ARHGAP11A: variants seen among roughly 807,000 people sequenced by gnomAD.
ARHGAP11A encodes rho GTPase-activating protein 11A.
Under a neutral mutation model 60.5 loss-of-function variants are expected in ARHGAP11A, and 36 were observed. That is an observed-to-expected ratio of 0.59 (90% CI 0.46 to 0.79). The LOEUF is 0.79. Ranked by LOEUF, ARHGAP11A falls within the 30% of genes least tolerant of loss-of-function variation. The pLI is 0.00. For missense variants in ARHGAP11A, 1,071 were observed against 1,199.2 expected (o/e 0.89, Z 1.58); for synonymous variants, 362 against 415.5 (o/e 0.87, Z 1.57).
At chr15:32,632,766 C>G (rs2053613850) in intron 8 of ARHGAP11A, 2 of 409,824 alleles carry the variant, frequency 4.9e-6, no homozygotes, top group Admixed American at 7.7e-5. Context: ...CTTAAGCTGA[C>G]CTTTAATTGG....
chr15:32,631,399 G>A (rs546838282), intron 8 of ARHGAP11A, among the ~76,000 whole-genome samples: 4 of 151,756 alleles, frequency 2.6e-5, no homozygotes, highest in Non-Finnish European at 4.4e-5. Flanking sequence ...AGGTTCAAGC[G>A]ATTTTCCTGC....
At chr15:32,631,412 C>T (rs2053580474) in intron 8 of ARHGAP11A, among the ~76,000 whole-genome samples, 1 of 151,932 alleles carries the variant, frequency 6.6e-6, no homozygotes, top group Non-Finnish European at 1.5e-5. Flanking sequence ...TTTCCTGCCT[C>T]AGCCTCCCAG....
In ARHGAP11A at chr15:32,620,027, G is replaced by A. The variant is rs1567048702; in HGVS notation, c.130-81G>A. The A allele has an allele frequency of 3.2e-6, 5 of 1,544,238 alleles. No individual in the cohort carries two copies. In the East Asian group the frequency reaches 6.9e-5, roughly 21 times the overall value. ...TTCTGATTTTTTTTTAATTTCCTGA[G>A]TTCTTTAATTTGCCTAAAGTTTAAG... On this transcript the variant is annotated intron_variant, in intron 1 of 11. Transcript: ENST00000361627.
At chr15:32,625,271 A>C in intron 5 of ARHGAP11A, 28 bp downstream of exon 5, 1 of 1,571,060 alleles carries the variant, frequency 6.4e-7, no homozygotes, top group African/African-American at 1.4e-5. Flanking sequence ...TATTAACAGA[A>C]TTTGTTTAAA....
At chr15:32,634,275 CA>C (rs139850738) in intron 10 of ARHGAP11A, among the ~76,000 whole-genome samples, 2,744 of 152,278 alleles carry the variant, frequency 0.018, 96 homozygotes, top group African/African-American at 0.063. Context: ...CAGTTTTAAA[CA>C]TTATATACAG....
At chr15:32,618,757 A>ACC (rs2053222968) in intron 1 of ARHGAP11A, among the ~76,000 whole-genome samples, 1 of 42,130 alleles carries the variant, frequency 2.4e-5, no homozygotes, top group African/African-American at 1.1e-4. Context: ...AACACGGTGA[A>ACC]ACCCCCCCCC....
In ARHGAP11A at chr15:32,635,771, G is replaced by C; in HGVS notation, c.1345-6G>C. The C allele has an allele frequency of 6.5e-7, 1 of 1,545,492 alleles. No homozygotes were observed. Among genetic ancestry groups the C allele is most frequent in the East Asian group, 2.4e-5 (1 of 41,794 alleles). On this transcript the variant is annotated splice_region_variant and splice_polypyrimidine_tract_variant and intron_variant, in intron 10 of 11. Coordinates refer to ENST00000361627, the MANE Select transcript of ARHGAP11A (RefSeq NM_014783.6). ...TCTTAACTAAAACTTTTTTTTTTCTGTACAGAATGGATGTTCTGGTGTCAA... is the reference window on the plus strand; with the variant it reads ...TCTTAACTAAAACTTTTTTTTTTCTCTACAGAATGGATGTTCTGGTGTCAA...
intron 1 of ARHGAP11A, among the ~76,000 whole-genome samples, chr15:32,619,748 C>CCT (rs59607535): frequency 0.43 from 64,514 of 151,664 alleles, 13,922 homozygotes; most frequent in Admixed American, 0.53. Context: ...ATTAAAGCAA[C>CCT]CTATAGTATT....
At chr15:32,620,035 A>G (rs2053256548) in intron 1 of ARHGAP11A, 73 bp from the exon 2 acceptor site, 1 of 1,545,180 alleles carries the variant, frequency 6.5e-7, no homozygotes, top group Admixed American at 2.1e-5. Context: ...GAGTTCTTTA[A>G]TTTGCCTAAA....
intron 7 of ARHGAP11A, 44 bp from the exon 8 acceptor site, chr15:32,629,551 C>T: frequency 6.5e-7 from 1 of 1,534,378 alleles, no homozygotes; most frequent in Non-Finnish European, 8.8e-7. Flanking sequence ...ATGTTGTCAA[C>T]TCTGCAGTAG....
chr15:32,637,584 A>G lies in ARHGAP11A; in HGVS notation c.2811A>G (p.Ser937=), dbSNP rs756679237. 2.5e-6 allele frequency: 4 copies of G among 1,614,214 alleles called. No homozygotes were observed. The South Asian group carries it at 4.4e-5, about 18-fold the overall frequency. The stretch of plus-strand genomic sequence containing the variant: ...TAAAGATGAGGAAGCACCCAGATTC[A>G]GTGAATGCTTCTCTTAGGTCTACTA... The part of the protein sequence containing the change: ...SFLKMRKHPD[S]VNASLRSTTV... Residue 937 remains serine, a synonymous_variant, in exon 12 of 12, where the codon TCA becomes TCG. Coordinates refer to ENST00000361627, the MANE Select transcript of ARHGAP11A (RefSeq NM_014783.6).
chr15:32,629,560 A>G, intron 7 of ARHGAP11A, 35 bp from the exon 8 acceptor site: 1 of 1,569,776 alleles, frequency 6.4e-7, no homozygotes, highest in Non-Finnish European at 8.6e-7. Flanking sequence ...ACTCTGCAGT[A>G]GAAACAAGTT....
rs139588206 is a variant in ARHGAP11A at position 32,625,524 on chromosome 15, C to G, written c.753C>G (p.Ala251=). The change falls in exon 6 of 12, where the codon GCC becomes GCG. Residue 251 remains alanine (A), a synonymous_variant. Coordinates refer to ENST00000361627, the MANE Select transcript of ARHGAP11A (RefSeq NM_014783.6). ...ATTTTATCCTGGAAAAGATACCAGC[C>G]ATGTTGGGTATTGATGGTCTCTGTG... ...VPDFILEKIP[A]MLGIDGLCAT... is the part of the protein sequence containing the mutation. 352 of 1,613,648 alleles carry G rather than the reference C, an allele frequency of 2.2e-4. 1 individual carries two copies. The highest frequency in any genetic ancestry group is 2.8e-4 in the Non-Finnish European group (335 of 1,179,840).
At chr15:32,632,149 CTT>C (rs1396491305) in intron 8 of ARHGAP11A, among the ~76,000 whole-genome samples, 1 of 152,084 alleles carries the variant, frequency 6.6e-6, no homozygotes, top group Non-Finnish European at 1.5e-5. Flanking sequence ...CTCTGGGAAA[CTT>C]TGTGAATTCT....
Position 32,616,207 on chromosome 15 carries a change from C to T in ARHGAP11A, c.-5C>T. ...CTGCCTCAGAGAGTTATCGACGTAT[C>T]CGGAATGTGGGATCAGAGGCTGGTG... On this transcript the variant is annotated 5_prime_UTR_variant, in exon 1 of 12. Transcript: ENST00000361627. 3 of 1,613,992 alleles carry T rather than the reference C, an allele frequency of 1.9e-6. No individual in the cohort carries two copies. Among genetic ancestry groups the T allele is most frequent in the Middle Eastern group, 3.3e-4 (2 of 6,062 alleles).
rs1379357305 is a variant in ARHGAP11A, at chr15:32,631,297, TC to T, written c.1105+1536del. ...CATAGAGTATCTATTCATAATTGTC[TC>T]TTTTTTTTTTTTTTGAGACAGAGTT... On this transcript the variant is annotated intron_variant, in intron 8 of 11. Transcript: ENST00000361627. 1.5e-3 allele frequency among the ~76,000 whole-genome samples: 110 copies of T among 74,940 alleles called. 1 individual carries two copies. The highest frequency in any genetic ancestry group is 5.2e-3 in the African/African-American group (106 of 20,530). 49.2% of individuals were successfully genotyped at this position (74,940 alleles called of 152,430 possible). A position where few individuals can be genotyped will look rare whatever the true frequency, so the allele number is the denominator to read the frequency against.
At chr15:32,617,047 G>T (rs2053170483) in intron 1 of ARHGAP11A, among the ~76,000 whole-genome samples, 1 of 152,162 alleles carries the variant, frequency 6.6e-6, no homozygotes, top group Non-Finnish European at 1.5e-5. Context: ...AAGGGATTTT[G>T]AATGAGATTT....
chr15:32,617,471 C>CTTTTTT (rs1168851603), intron 1 of ARHGAP11A, among the ~76,000 whole-genome samples: 21 of 102,004 alleles, frequency 2.1e-4, no homozygotes, highest in African/African-American at 6.0e-4. Flanking sequence ...TTTTCTTTTC[C>CTTTTTT]TTTTTTTTTT....
intron 11 of ARHGAP11A, 38 bp downstream of exon 11, chr15:32,635,953 A>T (rs368766006): frequency 6.5e-7 from 1 of 1,546,020 alleles, no homozygotes; most frequent in Non-Finnish European, 8.7e-7. Context: ...TTACCTAAAA[A>T]TCCTGCTTTA....
Sources: gnomAD v4.1 joint callset for allele counts (sites outside exome capture counted in the v4.1 genomes callset) on GRCh38, gnomAD v4.1.1 for gene constraint, MANE v1.5 for transcripts, NCBI Gene and HGNC (gene_info 2026-07-23, HGNC 2026-07-21) for gene names.